The following HPSE2 variants were observed in gnomAD, a reference collection of about 807,000 sequenced individuals.
HPSE2 encodes heparanase 2 (inactive).
In HPSE2, 38 loss-of-function variants were observed where a neutral mutation model predicts 60.5. That is an observed-to-expected ratio of 0.63 (90% CI 0.48 to 0.82). The LOEUF (loss-of-function observed/expected upper bound fraction) is 0.82, where lower values mean the gene tolerates loss of function less well. Among genes scored for constraint, HPSE2 ranks in the 40% least tolerant of loss-of-function variants. The pLI, the probability that HPSE2 is intolerant of heterozygous loss-of-function variation, is 0.00. For synonymous variants in HPSE2, 295 were observed against 293.2 expected (o/e 1.01, Z -0.06); for missense variants, 713 against 740.4 (o/e 0.96, Z 0.43).
chr10:99,004,354 T>A (rs1278347159), intron 3 of HPSE2, among the ~76,000 whole-genome samples: 1 of 152,110 alleles, frequency 6.6e-6, no homozygotes, highest in Non-Finnish European at 1.5e-5. Context: ...TCTTGCTGTC[T>A]TCCTTTGCAG....
chr10:98,789,453 T>C (rs1434657955), intron 3 of HPSE2, among the ~76,000 whole-genome samples: 2 of 152,218 alleles, frequency 1.3e-5, no homozygotes, highest in South Asian at 2.1e-4. Context: ...GGAAGCAGAC[T>C]GGTTAGAGAA....
At chr10:99,203,196 C>T (rs1275217669) in intron 2 of HPSE2, among the ~76,000 whole-genome samples, 1 of 151,978 alleles carries the variant, frequency 6.6e-6, no homozygotes, top group Non-Finnish European at 1.5e-5. Flanking sequence ...CAGCAACAGG[C>T]CAGCCCCCAG....
At chr10:98,804,206 CT>C (rs1950986571) in intron 3 of HPSE2, among the ~76,000 whole-genome samples, 1 of 151,956 alleles carries the variant, frequency 6.6e-6, no homozygotes, top group Non-Finnish European at 1.5e-5. Flanking sequence ...TGCTTATCAG[CT>C]TAAGGAGATT....
At chr10:98,794,813 T>A (rs1251917653) in intron 3 of HPSE2, among the ~76,000 whole-genome samples, 1 of 152,112 alleles carries the variant, frequency 6.6e-6, no homozygotes, top group Non-Finnish European at 1.5e-5. Flanking sequence ...TATGCTTTGC[T>A]AGGAGGAGAT....
rs1049561582 is a variant in HPSE2 at position 99,068,227 on chromosome 10, G to C, written c.610+76011C>G. Among the ~76,000 whole-genome samples the C allele has an allele frequency of 3.9e-5, 6 of 152,226 alleles. No homozygotes were observed. The East Asian group carries it at 1.2e-3, about 29-fold the overall frequency. On this transcript the variant is annotated intron_variant, in intron 3 of 11. Coordinates refer to ENST00000370552, the MANE Select transcript of HPSE2 (RefSeq NM_021828.5). ...TGTTCCAGTCTCTGCCTGTTACCCA[G>C]TTCCAAAGTCACTTCCACATTTTCA...
chr10:98,943,246 A>T (rs952165231), intron 3 of HPSE2, among the ~76,000 whole-genome samples: 6 of 151,746 alleles, frequency 4.0e-5, no homozygotes, highest in African/African-American at 1.2e-4. Flanking sequence ...ATACAATAAA[A>T]AATTATAATA....
At chr10:99,281,779 G>C in the HPSE2 span, among the ~76,000 whole-genome samples, 1 of 152,068 alleles carries the variant, frequency 6.6e-6, no homozygotes, top group Non-Finnish European at 1.5e-5. Flanking sequence ...TGTAGATCAT[G>C]GTAAACAGTT....
chr10:98,580,957 T>C (rs1944782067), intron 9 of HPSE2, among the ~76,000 whole-genome samples: 1 of 151,254 alleles, frequency 6.6e-6, no homozygotes, highest in Non-Finnish European at 1.5e-5. Context: ...CTTTTTTTTT[T>C]TGAGACTGAG....
Position 98,457,460 on chromosome 10 carries a change from G to C in HPSE2, c.*2114C>G, listed in dbSNP as rs1363015214. 6.6e-6 allele frequency: 1 copy of C among 152,172 alleles called. No homozygotes were observed. The highest frequency in any genetic ancestry group is 1.5e-5 in the Non-Finnish European group (1 of 68,046). 9.4% of individuals were successfully genotyped at this position (152,172 alleles called of 1,614,324 possible). A position where few individuals can be genotyped will look rare whatever the true frequency, so the allele number is the denominator to read the frequency against. Reference sequence around the variant, plus strand: ...ATAACAGTAGTACCCCTTTATCATGGGGTTACTAAGGACGCAAAGCAAACC... The same window carrying C: ...ATAACAGTAGTACCCCTTTATCATGCGGTTACTAAGGACGCAAAGCAAACC... On this transcript the variant is annotated 3_prime_UTR_variant, in exon 12 of 12. Coordinates refer to ENST00000370552, the MANE Select transcript of HPSE2 (RefSeq NM_021828.5).
At chr10:99,047,135 T>C (rs1589571345) in intron 3 of HPSE2, among the ~76,000 whole-genome samples, 1 of 152,042 alleles carries the variant, frequency 6.6e-6, no homozygotes, top group South Asian at 2.1e-4. Context: ...CACAGATCCA[T>C]GAAACAGAGT....
intron 9 of HPSE2, among the ~76,000 whole-genome samples, chr10:98,601,427 T>C (rs921552845): frequency 2.0e-5 from 3 of 152,122 alleles, no homozygotes; most frequent in Non-Finnish European, 4.4e-5. Flanking sequence ...GCTGATGGAG[T>C]GGCATACTCA....
intron 3 of HPSE2, among the ~76,000 whole-genome samples, chr10:98,750,913 G>A (rs757121522): frequency 3.3e-5 from 5 of 152,096 alleles, no homozygotes; most frequent in Non-Finnish European, 7.4e-5. Context: ...CATTTTCAAA[G>A]GTTGGGAGAG....
intron 9 of HPSE2, among the ~76,000 whole-genome samples, chr10:98,604,280 G>A (rs1052534709): frequency 1.3e-5 from 2 of 149,988 alleles, no homozygotes; most frequent in African/African-American, 4.9e-5. Flanking sequence ...AATGCAAGCA[G>A]AGAGATGGAT....
chr10:99,219,984 T>C (rs988045194), intron 2 of HPSE2, among the ~76,000 whole-genome samples: 2 of 152,228 alleles, frequency 1.3e-5, no homozygotes. Flanking sequence ...CCAGGATTTC[T>C]TACAAATGAC....
At chr10:98,997,494 T>C (rs1017671515) in intron 3 of HPSE2, among the ~76,000 whole-genome samples, 4 of 152,220 alleles carry the variant, frequency 2.6e-5, no homozygotes, top group Admixed American at 2.0e-4. Flanking sequence ...GTTATAGATT[T>C]TGAAAGTCTA....
chr10:99,164,900 A>G (rs1004282319), intron 2 of HPSE2, among the ~76,000 whole-genome samples: 2 of 152,150 alleles, frequency 1.3e-5, no homozygotes, highest in African/African-American at 2.4e-5. Flanking sequence ...CCTGGCTAAC[A>G]TGGTGAAACC....
rs144588716 is a variant in HPSE2 at position 98,868,918 on chromosome 10, T to G, written c.611-124862A>C. On this transcript the variant is annotated intron_variant, in intron 3 of 11. Coordinates refer to ENST00000370552, the MANE Select transcript of HPSE2 (RefSeq NM_021828.5). ...TCTAGTTAAAATCTTTTAAAATTATTTTGTGGTCAGAAACTACATTCTAAA... is the reference window on the plus strand; with the variant it reads ...TCTAGTTAAAATCTTTTAAAATTATGTTGTGGTCAGAAACTACATTCTAAA... Among the ~76,000 whole-genome samples, 254 of 152,234 alleles carry G rather than the reference T, an allele frequency of 1.7e-3. 2 individuals are homozygous for G. Among genetic ancestry groups the G allele is most frequent in the African/African-American group, 5.8e-3 (243 of 41,550 alleles).
chr10:98,993,482 A>G (rs1475076822), intron 3 of HPSE2, among the ~76,000 whole-genome samples: 1 of 152,240 alleles, frequency 6.6e-6, no homozygotes, highest in Non-Finnish European at 1.5e-5. Flanking sequence ...CCACTAACTC[A>G]TGGAACTGCC....
At chr10:98,652,863 A>G (rs886193810) in intron 6 of HPSE2, among the ~76,000 whole-genome samples, 2 of 152,222 alleles carry the variant, frequency 1.3e-5, no homozygotes, top group African/African-American at 4.8e-5. Context: ...TTTACCTACT[A>G]GATAGCAATC....
Sources: allele counts gnomAD v4.1 joint callset (sites outside exome capture counted in the v4.1 genomes callset), GRCh38; gene constraint gnomAD v4.1.1; transcripts MANE v1.5; gene names NCBI Gene and HGNC (gene_info 2026-07-23, HGNC 2026-07-21).